The following ABCB7 variants were observed in gnomAD, a reference collection of about 807,000 sequenced individuals.
ABCB7 encodes the protein ATP binding cassette subfamily B member 7.
ABCB7 carries 7 observed loss-of-function variants against 54.4 expected under a neutral mutation model. The observed-to-expected ratio is 0.13, with a 90% CI of 0.07 to 0.24. The LOEUF is 0.24. Among genes scored for constraint, ABCB7 ranks in the 10% least tolerant of loss-of-function variants. The pLI is 1.00. For missense variants in ABCB7, 356 were observed against 570.4 expected, an observed-to-expected ratio of 0.62 and a Z score of 3.83; for synonymous variants, 218 against 207.1, an observed-to-expected ratio of 1.05 and a Z score of -0.45.
chrX:75,107,104 C>T (rs924518603), intron 3 of ABCB7, among the ~76,000 whole-genome samples: 1 of 111,091 alleles, frequency 9.0e-6, no homozygotes, highest in African/African-American at 3.3e-5. Context: ...TCAGTGCTGT[C>T]CTGTTAGAGC....
intron 1 of ABCB7, among the ~76,000 whole-genome samples, chrX:75,155,845 A>G (rs1212431400): frequency 9.0e-6 from 1 of 110,807 alleles, no homozygotes; most frequent in Non-Finnish European, 1.9e-5. Flanking sequence ...TGAGAGAAAA[A>G]CTATGACTCC....
intron 1 of ABCB7, among the ~76,000 whole-genome samples, chrX:75,150,003 A>C (rs1403075216): frequency 9.0e-6 from 1 of 111,695 alleles, no homozygotes; most frequent in Non-Finnish European, 1.9e-5. Flanking sequence ...GGAAATTTTT[A>C]AGGCTAAGAT....
chrX:75,084,268 G>A (rs2081478858), intron 4 of ABCB7, among the ~76,000 whole-genome samples: 2 of 111,691 alleles, frequency 1.8e-5, no homozygotes, highest in South Asian at 7.5e-4. Context: ...TAATAAATTT[G>A]TGGTGTTTTC....
Position 75,143,862 on chromosome X carries a change from TG to T in ABCB7, c.168+12242del, listed in dbSNP as rs1430858292. Among the ~76,000 whole-genome samples, 3 of 111,284 alleles carry T rather than the reference TG, an allele frequency of 2.7e-5. No individual in the cohort carries two copies. In the East Asian group the frequency reaches 8.5e-4, roughly 32 times the overall value. On this transcript the variant is annotated intron_variant, in intron 1 of 15. Transcript: ENST00000373394. ...CACCTCCCACAACATGTGGGAATTGTGGGAGTTATAATTCAAGATGAGATTT... is the reference window on the plus strand; with the variant it reads ...CACCTCCCACAACATGTGGGAATTGTGGAGTTATAATTCAAGATGAGATTT...
intron 3 of ABCB7, among the ~76,000 whole-genome samples, chrX:75,102,605 C>A (rs2081649284): frequency 8.9e-6 from 1 of 111,780 alleles, no homozygotes; most frequent in South Asian, 3.7e-4. Context: ...AAACGTACTG[C>A]AATCAACATA....
intron 4 of ABCB7, among the ~76,000 whole-genome samples, chrX:75,082,249 A>G (rs1257116033): frequency 8.9e-6 from 1 of 112,057 alleles, no homozygotes; most frequent in African/African-American, 3.2e-5. Context: ...ATCTTAAGAC[A>G]GCAGATTTCC....
At chrX:75,116,815 C>G (rs1319679043) in intron 1 of ABCB7, among the ~76,000 whole-genome samples, 2 of 110,719 alleles carry the variant, frequency 1.8e-5, no homozygotes, top group Non-Finnish European at 3.8e-5. Flanking sequence ...GTCATAAAGA[C>G]CTGGCTGGTA....
chrX:75,078,608 G>A (rs2081430942), intron 4 of ABCB7, among the ~76,000 whole-genome samples: 1 of 111,323 alleles, frequency 9.0e-6, no homozygotes, highest in Non-Finnish European at 1.9e-5. Flanking sequence ...ACAAATGTGA[G>A]GGATGAAAGG....
chrX:75,070,129 C>T (rs1276353871), intron 10 of ABCB7, among the ~76,000 whole-genome samples: 1 of 111,149 alleles, frequency 9.0e-6, no homozygotes, highest in Non-Finnish European at 1.9e-5. Flanking sequence ...CCGCCTCAGC[C>T]TCCCAAAATG....
intron 1 of ABCB7, among the ~76,000 whole-genome samples, chrX:75,124,100 G>A (rs2081904425): frequency 8.9e-6 from 1 of 111,994 alleles, no homozygotes; most frequent in East Asian, 2.8e-4. Flanking sequence ...GCCATTGATT[G>A]CTGACCCCTG....
intron 4 of ABCB7, among the ~76,000 whole-genome samples, chrX:75,096,915 A>G (rs944782484): frequency 9.0e-6 from 1 of 110,671 alleles, no homozygotes; most frequent in Non-Finnish European, 1.9e-5. Flanking sequence ...ACAAATTGCT[A>G]TTACTTCTTA....
chrX:75,105,866 T>C (rs772012916), intron 3 of ABCB7, among the ~76,000 whole-genome samples: 2 of 111,394 alleles, frequency 1.8e-5, no homozygotes, highest in South Asian at 7.5e-4. Flanking sequence ...TTTGACAAAG[T>C]TGACAAAAGT....
At chrX:75,147,135 C>T (rs187447009) in intron 1 of ABCB7, among the ~76,000 whole-genome samples, 47 of 110,708 alleles carry the variant, frequency 4.2e-4, no homozygotes, top group African/African-American at 1.4e-3. Context: ...TAACACCAGT[C>T]AGAATGGCTA....
At chrX:75,097,265 G>A (rs895572377) in intron 4 of ABCB7, among the ~76,000 whole-genome samples, 3 of 111,196 alleles carry the variant, frequency 2.7e-5, no homozygotes, top group African/African-American at 3.3e-5. Flanking sequence ...CACATACTAT[G>A]CTCTCTCACA....
At chrX:75,066,915 A>T (rs1318674438) in intron 12 of ABCB7, among the ~76,000 whole-genome samples, 5 of 111,850 alleles carry the variant, frequency 4.5e-5, no homozygotes, top group Admixed American at 1.9e-4. Context: ...ATAACACTGT[A>T]ACCATCTACT....
intron 1 of ABCB7, among the ~76,000 whole-genome samples, chrX:75,127,766 C>G (rs1485403222): frequency 8.9e-6 from 1 of 111,937 alleles, no homozygotes; most frequent in Non-Finnish European, 1.9e-5. Flanking sequence ...TGCAATCATT[C>G]AATGTGCAAA....
intron 14 of ABCB7, among the ~76,000 whole-genome samples, chrX:75,060,719 G>C (rs1450063514): frequency 9.0e-6 from 1 of 111,463 alleles, no homozygotes; most frequent in African/African-American, 3.2e-5. Context: ...TAAGTGACAG[G>C]ACACAGAGAA....
chrX:75,068,151 A>G (rs2081336719), intron 12 of ABCB7, among the ~76,000 whole-genome samples: 1 of 110,913 alleles, frequency 9.0e-6, no homozygotes, highest in African/African-American at 3.3e-5. Context: ...AGTGAAAAAG[A>G]GGACAGGGGA....
intron 3 of ABCB7, among the ~76,000 whole-genome samples, chrX:75,109,429 C>T (rs6655563): frequency 0.029 from 3,202 of 111,170 alleles, 116 homozygotes; most frequent in African/African-American, 0.1. Flanking sequence ...CTATCCGTTG[C>T]TTGTTCTTTT....
Sources: gnomAD v4.1 joint callset for allele counts (sites outside exome capture counted in the v4.1 genomes callset) on GRCh38, gnomAD v4.1.1 for gene constraint, MANE v1.5 for transcripts, NCBI Gene and HGNC (gene_info 2026-07-23, HGNC 2026-07-21) for gene names.